Variants in XXYLT1 observed in about 807,000 individuals in gnomAD.
The protein encoded by XXYLT1 is UDP-xylose:alpha-xyloside alpha-1,3-xylosyltransferase.
Under a neutral mutation model 28.9 loss-of-function variants are expected in XXYLT1, and 20 were observed. The ratio of observed to expected loss-of-function variants is 0.69; its 90% confidence interval spans 0.49 to 1.00. The LOEUF is 1.00. XXYLT1 is among the 50% of genes least tolerant of loss of function. XXYLT1 has a pLI of 0.00. For missense variants in XXYLT1, 542 were observed against 560.1 expected (o/e 0.97, Z 0.33); for synonymous variants, 257 against 253.8 (o/e 1.01, Z -0.12).
At chr3:195,112,581 A>G (rs1231454975) in intron 3 of XXYLT1, among the ~76,000 whole-genome samples, 15 of 144,246 alleles carry the variant, frequency 1.0e-4, no homozygotes, top group African/African-American at 3.6e-4. Flanking sequence ...ACACACACGC[A>G]CGCACACACA....
chr3:195,147,083 C>T (rs542402798), intron 3 of XXYLT1: 14 of 153,862 alleles, frequency 9.1e-5, no homozygotes, highest in African/African-American at 3.1e-4. Context: ...GTCTATGTAT[C>T]TTGTCCATGG....
intron 3 of XXYLT1, among the ~76,000 whole-genome samples, chr3:195,116,855 G>A (rs1718067677): frequency 6.6e-6 from 1 of 152,076 alleles, no homozygotes; most frequent in Non-Finnish European, 1.5e-5. Flanking sequence ...GGTCCCACAG[G>A]TGATTGGGGG....
At chr3:195,181,009 G>A (rs186621023) in intron 2 of XXYLT1, among the ~76,000 whole-genome samples, 89 of 152,348 alleles carry the variant, frequency 5.8e-4, no homozygotes, top group African/African-American at 1.9e-3. Context: ...GTGACTCCAG[G>A]CCGTGAGAGG....
At chr3:195,109,865 TG>T (rs1717412492) in intron 3 of XXYLT1, among the ~76,000 whole-genome samples, 1 of 62,508 alleles carries the variant, frequency 1.6e-5, no homozygotes, top group African/African-American at 4.7e-5. Context: ...CCTGTGTGTG[TG>T]GTGTATGTGT....
chr3:195,129,823 G>C lies in XXYLT1; in HGVS notation c.785+26626C>G, dbSNP rs990029292. On this transcript the variant is annotated intron_variant, in intron 3 of 3. Transcript: ENST00000310380. This position sits in a 1 kb window ranked among gnomAD's most constrained non-coding sequence, Gnocchi z 4.4. The stretch of plus-strand genomic sequence containing the variant: ...GGGCGCATGTTTTCAGTTCTCTCGG[G>C]TCTCTGTACACCTATCTAGGAGTGG... Among the ~76,000 whole-genome samples the C allele has an allele frequency of 6.6e-6, 1 of 152,050 alleles. No homozygotes were observed. Among genetic ancestry groups the C allele is most frequent in the Admixed American group, 6.6e-5 (1 of 15,256 alleles).
intron 3 of XXYLT1, chr3:195,122,106 T>C (rs202130800): frequency 1.4e-3 from 954 of 703,036 alleles, no homozygotes; most frequent in Non-Finnish European, 2.1e-3. Flanking sequence ...AGTTCACAGA[T>C]GGCTGCCTTT....
intron 3 of XXYLT1, among the ~76,000 whole-genome samples, chr3:195,136,745 A>G (rs1417085806): frequency 6.6e-6 from 1 of 152,224 alleles, no homozygotes; most frequent in Admixed American, 6.5e-5. Flanking sequence ...GGCAGCTCAC[A>G]GGACGCAGGG....
intron 3 of XXYLT1, among the ~76,000 whole-genome samples, chr3:195,128,011 A>G (rs1290227255): frequency 6.6e-6 from 1 of 152,160 alleles, no homozygotes; most frequent in Non-Finnish European, 1.5e-5. Context: ...ATAGTTGGGA[A>G]ACCCAAGGTC....
chr3:195,092,865 C>T lies in XXYLT1; in HGVS notation c.786-22754G>A, dbSNP rs1350043141. Among the ~76,000 whole-genome samples the T allele has an allele frequency of 3.6e-5, 4 of 110,184 alleles. 1 individual carries two copies. The highest frequency in any genetic ancestry group is 5.1e-5 in the Non-Finnish European group (3 of 58,758). The allele number at this position is 110,184 out of a possible 152,430, so 72.3% of individuals were successfully genotyped here. A position where few individuals can be genotyped will look rare whatever the true frequency, so the allele number is the denominator to read the frequency against. On this transcript the variant is annotated intron_variant, in intron 3 of 3. Transcript: ENST00000310380. Reference sequence around the variant, plus strand: ...ACAAACAACCCCATCAAAAAGTGGGCGAAGGACATGAACAGATACTTCTCA... The same window carrying T: ...ACAAACAACCCCATCAAAAAGTGGGTGAAGGACATGAACAGATACTTCTCA...
In XXYLT1 at chr3:195,070,130, G is replaced by GAGTT; in HGVS notation, c.786-23_786-20dup. 1 of 1,526,554 alleles carries GAGTT rather than the reference G, an allele frequency of 6.6e-7. No homozygotes were observed. The highest frequency in any genetic ancestry group is 8.7e-7 in the Non-Finnish European group (1 of 1,143,080). 94.6% of individuals were successfully genotyped at this position (1,526,554 alleles called of 1,614,324 possible). On this transcript the variant is annotated intron_variant, in intron 3 of 3. Coordinates refer to ENST00000310380, the MANE Select transcript of XXYLT1 (RefSeq NM_152531.5). ...TGTGTGCCTGTGGAGAGAGAGGACA[G>GAGTT]AGTTAGTCCGGTGTGCAGGGGAACC...
intron 3 of XXYLT1, among the ~76,000 whole-genome samples, chr3:195,144,074 A>G (rs1020442037): frequency 6.8e-6 from 1 of 147,956 alleles, no homozygotes; most frequent in Admixed American, 6.8e-5. Context: ...TTGTATTTTT[A>G]TTAGAGACGG....
At chr3:195,220,049 A>G (rs1046257021) in intron 2 of XXYLT1, among the ~76,000 whole-genome samples, 1 of 152,146 alleles carries the variant, frequency 6.6e-6, no homozygotes, top group African/African-American at 2.4e-5. Flanking sequence ...CACATGCTAA[A>G]TGTTATGGAG....
intron 2 of XXYLT1, among the ~76,000 whole-genome samples, chr3:195,222,285 G>A (rs1723861668): frequency 6.6e-6 from 1 of 152,172 alleles, no homozygotes; most frequent in Non-Finnish European, 1.5e-5. Context: ...CGGAGAAGCG[G>A]CCTAACCTCT....
At chr3:195,102,659 TTG>T (rs543347960) in intron 3 of XXYLT1, among the ~76,000 whole-genome samples, 29 of 151,006 alleles carry the variant, frequency 1.9e-4, no homozygotes, top group African/African-American at 6.1e-4. Flanking sequence ...ATATTCCGTT[TTG>T]TGTGTGTGTG....
At chr3:195,097,958 A>AG (rs1415841788) in intron 3 of XXYLT1, among the ~76,000 whole-genome samples, 1 of 151,234 alleles carries the variant, frequency 6.6e-6, no homozygotes, top group Non-Finnish European at 1.5e-5. Context: ...TGAATAAGGA[A>AG]GGACCCACAG....
At chr3:195,213,692 T>C (rs974252766) in intron 2 of XXYLT1, among the ~76,000 whole-genome samples, 2 of 152,234 alleles carry the variant, frequency 1.3e-5, no homozygotes, top group East Asian at 1.9e-4. Flanking sequence ...TAAATGTTTT[T>C]TACTGCAGTA....
intron 3 of XXYLT1, among the ~76,000 whole-genome samples, chr3:195,083,672 A>C (rs937775798): frequency 1.3e-5 from 2 of 152,212 alleles, no homozygotes; most frequent in African/African-American, 4.8e-5. Context: ...TCAATTCCTC[A>C]CAACTACCTA....
At chr3:195,172,400 G>A (rs78659673) in intron 2 of XXYLT1, among the ~76,000 whole-genome samples, 6,307 of 152,254 alleles carry the variant, frequency 0.041, 456 homozygotes, top group African/African-American at 0.14. Flanking sequence ...TCTCTCCGGG[G>A]CCAGGGGAAG....
At chr3:195,127,182 T>C (rs1340215405) in intron 3 of XXYLT1, among the ~76,000 whole-genome samples, 3 of 152,130 alleles carry the variant, frequency 2.0e-5, no homozygotes, top group East Asian at 1.9e-4. Flanking sequence ...AACATGAGTG[T>C]TCAGAGATCA....
Sources: gnomAD v4.1 joint callset for allele counts (sites outside exome capture counted in the v4.1 genomes callset) on GRCh38, gnomAD v4.1.1 for gene constraint, Gnocchi (gnomAD v3.1) non-coding constraint, MANE v1.5 for transcripts, NCBI Gene and HGNC (gene_info 2026-07-23, HGNC 2026-07-21) for gene names.